Variants in PAX5 observed in about 807,000 individuals in gnomAD.
PAX5 encodes the protein paired box protein Pax-5.
PAX5 carries 9 observed loss-of-function variants against 43.7 expected under a neutral mutation model. The ratio of observed to expected loss-of-function variants is 0.21; its 90% CI spans 0.12 to 0.36. PAX5 has a LOEUF of 0.36. Among genes scored for constraint, PAX5 ranks in the 10% least tolerant of loss-of-function variants. The pLI is 1.00. For synonymous variants in PAX5, 228 were observed against 214.3 expected (o/e 1.06, Z -0.56); for missense variants, 383 against 532.7 (o/e 0.72, Z 2.77).
At chr9:36,906,065 TG>T (rs1161323203) in intron 7 of PAX5, among the ~76,000 whole-genome samples, 2 of 152,082 alleles carry the variant, frequency 1.3e-5, no homozygotes, top group Non-Finnish European at 2.9e-5. Context: ...TCACAGATGA[TG>T]GGTCATCCAG....
chr9:36,871,431 C>A (rs766785945), intron 8 of PAX5, among the ~76,000 whole-genome samples: 8 of 152,186 alleles, frequency 5.3e-5, no homozygotes, highest in Non-Finnish European at 1.0e-4. Flanking sequence ...TGGGGGACCC[C>A]TAACCTCTCA....
At chr9:36,897,312 G>A (rs944730955) in intron 7 of PAX5, among the ~76,000 whole-genome samples, 5 of 152,158 alleles carry the variant, frequency 3.3e-5, no homozygotes, top group Middle Eastern at 3.2e-3. Context: ...GGGAGCACCG[G>A]AGCTCGAAGG....
At chr9:36,847,003 C>G in intron 8 of PAX5, 74 bp from the exon 9 acceptor site, 1 of 1,077,730 alleles carries the variant, frequency 9.3e-7, no homozygotes, top group East Asian at 2.5e-5. Flanking sequence ...TGGGTCCCAG[C>G]CAGCCTGGTT....
chr9:36,871,851 C>T (rs1245798704), intron 8 of PAX5, among the ~76,000 whole-genome samples: 1 of 152,186 alleles, frequency 6.6e-6, no homozygotes, highest in Non-Finnish European at 1.5e-5. Context: ...CCAGGCGGGC[C>T]AGTGAGCACC....
intron 6 of PAX5, chr9:36,930,927 C>G (rs1215542023): frequency 9.8e-7 from 1 of 1,020,498 alleles, no homozygotes; most frequent in African/African-American, 1.6e-5. Context: ...AGTATTGTCT[C>G]ATCAGCACGG....
At chr9:36,910,227 C>G (rs1829155803) in intron 7 of PAX5, among the ~76,000 whole-genome samples, 1 of 152,152 alleles carries the variant, frequency 6.6e-6, no homozygotes, top group Non-Finnish European at 1.5e-5. Flanking sequence ...TCCTGAGTAC[C>G]CTTCCAGAGT....
intron 8 of PAX5, among the ~76,000 whole-genome samples, chr9:36,871,707 T>A (rs1045674406): frequency 6.6e-6 from 1 of 152,164 alleles, no homozygotes; most frequent in Non-Finnish European, 1.5e-5. Context: ...GTTGGTGCAG[T>A]TGGATCTGGG....
At chr9:36,993,865 AC>A (rs1399434095) in intron 5 of PAX5, among the ~76,000 whole-genome samples, 1 of 151,984 alleles carries the variant, frequency 6.6e-6, no homozygotes, top group Admixed American at 6.6e-5. Context: ...ACATGGCAGC[AC>A]CCTGCCCTCT....
intron 6 of PAX5, among the ~76,000 whole-genome samples, chr9:36,945,634 C>T (rs1240570719): frequency 1.3e-5 from 2 of 152,178 alleles, no homozygotes; most frequent in Admixed American, 6.5e-5. Context: ...AGAAACAGAT[C>T]CTAAAAATAG....
chr9:36,960,100 G>A (rs969879329), intron 6 of PAX5, among the ~76,000 whole-genome samples: 4 of 152,210 alleles, frequency 2.6e-5, no homozygotes, highest in Admixed American at 6.5e-5. Context: ...GGTGCAGGCC[G>A]AATTGGTGCA....
chr9:36,903,012 C>T (rs1321318952), intron 7 of PAX5, among the ~76,000 whole-genome samples: 4 of 152,156 alleles, frequency 2.6e-5, no homozygotes, highest in South Asian at 2.1e-4. Flanking sequence ...GGACCTGGGC[C>T]GAGGTTCCCC....
chr9:37,011,128 C>CAAAAAA (rs1225031293), intron 3 of PAX5, among the ~76,000 whole-genome samples: 28 of 100,946 alleles, frequency 2.8e-4, no homozygotes, highest in Non-Finnish European at 3.9e-4. Context: ...CTCAAAAAAA[C>CAAAAAA]AAAAAAAAAA....
In PAX5 at chr9:36,833,851, GTTTTTTTGTA is replaced by G. The variant is rs1331036783; in HGVS notation, c.*6699_*6708del. 1 of 219,702 alleles carries G rather than the reference GTTTTTTTGTA, an allele frequency of 4.6e-6. No individual in the cohort carries two copies. The highest frequency in any genetic ancestry group is 2.4e-5 in the African/African-American group (1 of 42,170). 13.6% of individuals were successfully genotyped at this position (219,702 alleles called of 1,614,324 possible). On this transcript the variant is annotated 3_prime_UTR_variant, in exon 10 of 10. Transcript: ENST00000358127. ...AATTCAATTGTGGTTTTTGTTGTTG[GTTTTTTTGTA>G]TTTTTTTGTATTTTTTTTTTTTTAC...
At chr9:36,937,721 ACCT>A (rs1211408864) in intron 6 of PAX5, among the ~76,000 whole-genome samples, 4 of 151,972 alleles carry the variant, frequency 2.6e-5, no homozygotes, top group African/African-American at 9.7e-5. Flanking sequence ...CTGAAGAATG[ACCT>A]CCTATAGAAA....
intron 5 of PAX5, among the ~76,000 whole-genome samples, chr9:36,984,647 G>T (rs1240297051): frequency 1.3e-5 from 2 of 151,522 alleles, no homozygotes; most frequent in African/African-American, 4.9e-5. Flanking sequence ...TATTTTTAGG[G>T]GTTTCATCAT....
At chr9:36,985,175 G>A (rs1014419350) in intron 5 of PAX5, among the ~76,000 whole-genome samples, 3 of 152,232 alleles carry the variant, frequency 2.0e-5, no homozygotes, top group South Asian at 4.1e-4. Context: ...GGTGGTGATT[G>A]TCACCGGGTG....
chr9:36,846,904 G>A lies in PAX5; in HGVS notation c.1038C>T (p.Tyr346=), dbSNP rs142146202. The A allele has an allele frequency of 5.0e-6, 8 of 1,613,930 alleles. No individual in the cohort carries two copies. Among genetic ancestry groups the A allele is most frequent in the East Asian group, 2.2e-5 (1 of 44,882 alleles). ...VPGSEFSGSP[Y]SHPQYSSYND... Reference sequence around the variant, plus strand: ...TGTACGAGGAATACTGAGGGTGGCTGTAGGGACTCCCGGAAAACTCACTCC... The same window carrying A: ...TGTACGAGGAATACTGAGGGTGGCTATAGGGACTCCCGGAAAACTCACTCC... The change falls in exon 9 of 10, where the codon TAC becomes TAT. Residue 346 remains tyrosine, a synonymous_variant. Coordinates refer to ENST00000358127, the MANE Select transcript of PAX5 (RefSeq NM_016734.3).
chr9:36,953,180 A>G (rs1476414692), intron 6 of PAX5, among the ~76,000 whole-genome samples: 1 of 152,140 alleles, frequency 6.6e-6, no homozygotes, highest in African/African-American at 2.4e-5. Flanking sequence ...CTCTTCTTGT[A>G]TGCATGGTTT....
rs572535060 is a variant in PAX5, at chr9:36,838,222, G to A, written c.*2338C>T. On this transcript the variant is annotated 3_prime_UTR_variant, in exon 10 of 10. Coordinates refer to ENST00000358127, the MANE Select transcript of PAX5 (RefSeq NM_016734.3). The stretch of plus-strand genomic sequence containing the variant: ...GGGTGCATGTGCCTGCTGTGAGCTC[G>A]CTGGGCTCCATCCCTGGCCTGGGTG... 4 of 233,150 alleles carry A rather than the reference G, an allele frequency of 1.7e-5. No individual in the cohort carries two copies. Among genetic ancestry groups the A allele is most frequent in the South Asian group, 1.8e-4 (1 of 5,522 alleles). The allele number at this position is 233,150 out of a possible 1,614,324, so 14.4% of individuals were successfully genotyped here.
Sources: allele counts gnomAD v4.1 joint callset (sites outside exome capture counted in the v4.1 genomes callset), GRCh38; gene constraint gnomAD v4.1.1; transcripts MANE v1.5; gene names NCBI Gene and HGNC (gene_info 2026-07-23, HGNC 2026-07-21).